The following CRK variants were observed in gnomAD, a reference collection of about 807,000 sequenced individuals.
The protein encoded by CRK is adapter molecule crk.
In CRK, 4 loss-of-function variants were observed where a neutral mutation model predicts 29.8. The observed-to-expected ratio is 0.13, with a 90% CI of 0.07 to 0.31. The LOEUF (loss-of-function observed/expected upper bound fraction) is 0.31, where lower values mean the gene tolerates loss of function less well. Ranked by LOEUF, CRK falls within the 10% of genes least tolerant of loss-of-function variation. CRK has a pLI of 1.00. For missense variants in CRK, 274 were observed against 396.5 expected, an observed-to-expected ratio of 0.69 and a Z score of 2.62; for synonymous variants, 153 against 164.9, an observed-to-expected ratio of 0.93 and a Z score of 0.55.
intron 2 of CRK, among the ~76,000 whole-genome samples, chr17:1,427,944 T>C (rs1416387587): frequency 1.3e-5 from 2 of 151,840 alleles, no homozygotes; most frequent in Non-Finnish European, 2.9e-5. Context: ...ATATTGTCTT[T>C]ATTCTTAAGC....
intron 1 of CRK, among the ~76,000 whole-genome samples, chr17:1,455,654 G>A (rs912168858): frequency 7.3e-5 from 11 of 151,658 alleles, no homozygotes; most frequent in Non-Finnish European, 1.5e-4. Flanking sequence ...CCCCGCGGCT[G>A]CCCTCCCCAG....
intron 1 of CRK, among the ~76,000 whole-genome samples, chr17:1,450,617 TCA>T (rs1050935717): frequency 6.6e-6 from 1 of 152,150 alleles, no homozygotes; most frequent in African/African-American, 2.4e-5. Context: ...ATGCGATGGC[TCA>T]CACCTGTAAT....
At chr17:1,445,294 A>G (rs2073967104) in intron 1 of CRK, among the ~76,000 whole-genome samples, 2 of 152,166 alleles carry the variant, frequency 1.3e-5, no homozygotes, top group African/African-American at 4.8e-5. Context: ...CATCTGAAGG[A>G]GAGCCGTACA....
chr17:1,426,238 G>GC (rs1425526278), intron 2 of CRK: 1 of 152,372 alleles, frequency 6.6e-6, no homozygotes, highest in Admixed American at 6.6e-5. Context: ...TGCCGGCTGA[G>GC]CACACGTGTG....
chr17:1,446,792 A>C (rs2073978479), intron 1 of CRK, among the ~76,000 whole-genome samples: 1 of 150,998 alleles, frequency 6.6e-6, no homozygotes. Flanking sequence ...ACGGGGTTTC[A>C]CCGTGTTAAC....
At chr17:1,437,542 T>C (rs951483509) in intron 1 of CRK, among the ~76,000 whole-genome samples, 3 of 152,148 alleles carry the variant, frequency 2.0e-5, no homozygotes, top group African/African-American at 7.2e-5. Context: ...GAGACTAGGC[T>C]GATCAGGACG....
rs1555650964 is a variant in CRK at position 1,420,777 on chromosome 17, C to G, written c.*2736G>C. The G allele has an allele frequency of 6.6e-6, 1 of 151,550 alleles. No homozygotes were observed. Among genetic ancestry groups the G allele is most frequent in the Non-Finnish European group, 1.5e-5 (1 of 67,908 alleles). The allele number at this position is 151,550 out of a possible 1,614,324, so 9.4% of individuals were successfully genotyped here. On this transcript the variant is annotated 3_prime_UTR_variant, in exon 3 of 3. Transcript: ENST00000300574. ...TATAAACATATACAATACATGCTAC[C>G]AAAAAAAATTTTTTTTTAAATTTAA...
intron 1 of CRK, among the ~76,000 whole-genome samples, chr17:1,439,351 C>T (rs191495776): frequency 1.3e-5 from 2 of 152,236 alleles, no homozygotes; most frequent in East Asian, 3.9e-4. Context: ...CCCGCCTCGG[C>T]CTCCCAAAGT....
intron 2 of CRK, among the ~76,000 whole-genome samples, chr17:1,435,343 G>A (rs1168033470): frequency 5.9e-5 from 9 of 151,862 alleles, no homozygotes; most frequent in Non-Finnish European, 8.8e-5. Context: ...TGAGCCACAC[G>A]CCCAGCCTTT....
intron 2 of CRK, among the ~76,000 whole-genome samples, chr17:1,431,405 T>C (rs551132241): frequency 5.3e-5 from 8 of 152,090 alleles, no homozygotes; most frequent in Admixed American, 5.2e-4. Context: ...AAAGCATAAT[T>C]CCCAAAGATC....
intron 2 of CRK, among the ~76,000 whole-genome samples, chr17:1,430,419 C>T (rs71372105): frequency 0.053 from 8,001 of 150,994 alleles, 293 homozygotes; most frequent in Non-Finnish European, 0.076. Context: ...TGCAGTGGCG[C>T]GATCTTGGCT....
At chr17:1,439,400 C>T (rs1157951396) in intron 1 of CRK, among the ~76,000 whole-genome samples, 1 of 152,128 alleles carries the variant, frequency 6.6e-6, no homozygotes. Flanking sequence ...TGCACCCGGC[C>T]ACAAAGTTTC....
chr17:1,427,592 C>CAAAT lies in CRK; in HGVS notation c.778-3946_778-3943dup, dbSNP rs1482143605. The stretch of plus-strand genomic sequence containing the variant: ...TGGGTAACAGAGCGAGACTCAGTCT[C>CAAAT]AAATAAATAAATAAATACCTCAATG... On this transcript the variant is annotated intron_variant, in intron 2 of 2. Coordinates refer to ENST00000300574, the MANE Select transcript of CRK (RefSeq NM_016823.4). Among the ~76,000 whole-genome samples the CAAAT allele has an allele frequency of 5.3e-5, 8 of 151,636 alleles. No homozygotes were observed. In the South Asian group the frequency reaches 1.0e-3, roughly 20 times the overall value.
At chr17:1,431,486 C>T (rs1317058287) in intron 2 of CRK, among the ~76,000 whole-genome samples, 1 of 151,922 alleles carries the variant, frequency 6.6e-6, no homozygotes, top group Non-Finnish European at 1.5e-5. Flanking sequence ...CTTTGGGAGG[C>T]AGAGGGGAGT....
At chr17:1,437,747 G>A (rs929747945) in intron 1 of CRK, among the ~76,000 whole-genome samples, 6 of 151,398 alleles carry the variant, frequency 4.0e-5, no homozygotes, top group Middle Eastern at 3.4e-3. Context: ...TCTGCCTCCC[G>A]GGTTCAAGCG....
Position 1,436,707 on chromosome 17 carries a change from G to A in CRK, c.690C>T (p.Leu230=), listed in dbSNP as rs372582519. The A allele has an allele frequency of 3.0e-5, 49 of 1,611,424 alleles. No individual in the cohort carries two copies. The highest frequency in any genetic ancestry group is 4.1e-5 in the Non-Finnish European group (48 of 1,179,036). ...PYAQPSVNTP[L]PNLQNGPIYA... is the part of the protein sequence containing the mutation. ...ATATGGGCCCATTCTGGAGGTTAGG[G>A]AGCGGAGTGTTGACGCTGGGTTGGG... The change falls in exon 2 of 3, where the codon CTC becomes CTT. Residue 230 remains leucine, a synonymous_variant. Coordinates refer to ENST00000300574, the MANE Select transcript of CRK (RefSeq NM_016823.4).
intron 1 of CRK, among the ~76,000 whole-genome samples, chr17:1,447,495 G>A (rs376583917): frequency 6.6e-6 from 1 of 151,772 alleles, no homozygotes; most frequent in African/African-American, 2.4e-5. Context: ...CTCCCTGAAG[G>A]TTTCATGAAG....
At chr17:1,453,402 A>G (rs985965743) in intron 1 of CRK, among the ~76,000 whole-genome samples, 1 of 152,214 alleles carries the variant, frequency 6.6e-6, no homozygotes, top group Non-Finnish European at 1.5e-5. Context: ...AAAGGCTGAA[A>G]AGTGAGTTTC....
intron 2 of CRK, among the ~76,000 whole-genome samples, chr17:1,428,998 A>C (rs1429910932): frequency 1.3e-5 from 2 of 150,904 alleles, no homozygotes; most frequent in African/African-American, 4.9e-5. Flanking sequence ...GGCGCACGCC[A>C]CCACGTCCGG....
Sources: allele counts gnomAD v4.1 joint callset (sites outside exome capture counted in the v4.1 genomes callset), GRCh38; gene constraint gnomAD v4.1.1; transcripts MANE v1.5; gene names NCBI Gene and HGNC (gene_info 2026-07-23, HGNC 2026-07-21).